MGAT5: variants seen among roughly 807,000 people sequenced by gnomAD.
MGAT5 encodes the protein alpha-1,6-mannosylglycoprotein 6-beta-N-acetylglucosaminyltransferase, also known as alpha-1,6-mannosylglycoprotein 6-beta-N-acetylglucosaminyltransferase A.
Under a neutral mutation model 94.3 loss-of-function variants are expected in MGAT5, and 30 were observed. That is an observed-to-expected ratio of 0.32 (90% CI 0.24 to 0.43). The LOEUF (loss-of-function observed/expected upper bound fraction) is 0.43. Ranked by LOEUF, MGAT5 falls within the 20% of genes least tolerant of loss-of-function variation. MGAT5 has a pLI of 1.00. For synonymous variants in MGAT5, 310 were observed against 322.9 expected, an observed-to-expected ratio of 0.96 and a Z score of 0.43; for missense variants, 691 against 905.5, an observed-to-expected ratio of 0.76 and a Z score of 3.04.
intron 10 of MGAT5, among the ~76,000 whole-genome samples, chr2:134,381,327 T>A (rs551260952): frequency 7.0e-5 from 4 of 57,006 alleles, no homozygotes; most frequent in African/African-American, 1.1e-4. Flanking sequence ...GCAAGACCTG[T>A]CTCATAGATA....
At chr2:134,433,172 A>G (rs1684983888) in intron 14 of MGAT5, among the ~76,000 whole-genome samples, 2 of 152,210 alleles carry the variant, frequency 1.3e-5, no homozygotes, top group African/African-American at 4.8e-5. Flanking sequence ...TCTGGCTTTC[A>G]CTTAGCATGA....
At chr2:134,223,617 T>G (rs969665395) in intron 1 of MGAT5, among the ~76,000 whole-genome samples, 5 of 152,168 alleles carry the variant, frequency 3.3e-5, no homozygotes, top group African/African-American at 7.2e-5. Context: ...CTCAAAAAAT[T>G]AGGGCTGAAA....
At chr2:134,435,066 G>A (rs951700888) in intron 14 of MGAT5, among the ~76,000 whole-genome samples, 1 of 151,958 alleles carries the variant, frequency 6.6e-6, no homozygotes, top group African/African-American at 2.4e-5. Context: ...GTGCTGTTGC[G>A]GCAGCTTCCT....
chr2:134,191,482 A>T (rs111767138), intron 1 of MGAT5, among the ~76,000 whole-genome samples: 51 of 148,706 alleles, frequency 3.4e-4, no homozygotes, highest in African/African-American at 1.2e-3. Context: ...CAGGTTCCAG[A>T]TGGAAGGGTG....
intron 10 of MGAT5, among the ~76,000 whole-genome samples, chr2:134,374,726 C>G (rs991102615): frequency 6.6e-6 from 1 of 152,210 alleles, no homozygotes; most frequent in African/African-American, 2.4e-5. Flanking sequence ...GGCACAGTGG[C>G]TCATGCCTGT....
intron 1 of MGAT5, among the ~76,000 whole-genome samples, chr2:134,130,217 G>A (rs1417283417): frequency 1.1e-5 from 1 of 87,130 alleles, no homozygotes; most frequent in South Asian, 4.2e-4. Context: ...GCCCCACACC[G>A]CCCCACACCG....
intron 6 of MGAT5, among the ~76,000 whole-genome samples, chr2:134,338,730 TC>T (rs1688471116): frequency 6.6e-6 from 1 of 152,164 alleles, no homozygotes; most frequent in Non-Finnish European, 1.5e-5. Flanking sequence ...AATCCAACCT[TC>T]GAGAGCTTCC....
chr2:134,177,529 G>A (rs937927516), intron 1 of MGAT5, among the ~76,000 whole-genome samples: 41 of 152,288 alleles, frequency 2.7e-4, no homozygotes, highest in Middle Eastern at 3.4e-3. Context: ...ACAAGAGTGC[G>A]GATTTCAGTG....
At chr2:134,321,905 T>C (rs1416038468) in intron 4 of MGAT5, among the ~76,000 whole-genome samples, 2 of 152,202 alleles carry the variant, frequency 1.3e-5, no homozygotes, top group African/African-American at 4.8e-5. Context: ...AATCTGAATA[T>C]AACCCTGAAC....
chr2:134,335,059 A>C lies in MGAT5; in HGVS notation c.574-1158A>C, dbSNP rs543093680. ...ATCATCTGCAGTGGCAGATGGCTTT[A>C]TGCAAATCAGGCCAATTACTTTGGT... On this transcript the variant is annotated intron_variant, in intron 4 of 15. Transcript: ENST00000281923. Among the ~76,000 whole-genome samples the C allele has an allele frequency of 2.0e-5, 3 of 152,258 alleles. No individual in the cohort carries two copies. In the East Asian group the frequency reaches 5.8e-4, roughly 29 times the overall value.
Position 134,207,677 on chromosome 2 carries a change from A to G in MGAT5, c.-142-46585A>G, listed in dbSNP as rs374806180. On this transcript the variant is annotated intron_variant, in intron 1 of 16. Coordinates refer to the MGAT5 transcript ENST00000409645. ...TTTAAGAGCTTAGTGGCAAATCCTG[A>G]CCTTGGAAAGCCCTGCCTTACCAGG... Among the ~76,000 whole-genome samples, 28 of 152,156 alleles carry G rather than the reference A, an allele frequency of 1.8e-4. 1 individual carries two copies. Among genetic ancestry groups the G allele is most frequent in the African/African-American group, 6.7e-4 (28 of 41,528 alleles).
Position 134,132,176 on chromosome 2 carries a change from C to T in MGAT5, c.-143+11885C>T, listed in dbSNP as rs554879312. ...AAATCTTTTTGTTAGTTACTTGTAA[C>T]TAATATTCTTTTAAGATTGTACTTA... is the stretch of plus-strand genomic sequence containing the variant. On this transcript the variant is annotated intron_variant, in intron 1 of 16. Transcript: ENST00000409645. Among the ~76,000 whole-genome samples the T allele has an allele frequency of 2.0e-5, 3 of 152,306 alleles. No individual in the cohort carries two copies. In the South Asian group the frequency reaches 6.2e-4, roughly 32 times the overall value.
intron 2 of MGAT5, among the ~76,000 whole-genome samples, chr2:134,312,253 C>CA (rs890368822): frequency 3.4e-4 from 52 of 151,496 alleles, no homozygotes; most frequent in African/African-American, 7.0e-4. Context: ...AACAAAACAA[C>CA]AAAAAAAAAT....
intron 1 of MGAT5, among the ~76,000 whole-genome samples, chr2:134,203,255 C>T (rs1679883187): frequency 6.6e-6 from 1 of 152,074 alleles, no homozygotes; most frequent in Admixed American, 6.6e-5. Flanking sequence ...GGTCAGAAAC[C>T]CCTGGGTGCT....
chr2:134,181,945 AGGT>A (rs1688754189), intron 1 of MGAT5, among the ~76,000 whole-genome samples: 1 of 152,234 alleles, frequency 6.6e-6, no homozygotes, highest in Non-Finnish European at 1.5e-5. Context: ...GCACAATTTA[AGGT>A]GAAGAAACAG....
chr2:134,406,152 T>C (rs1321633370), intron 11 of MGAT5, among the ~76,000 whole-genome samples: 1 of 152,228 alleles, frequency 6.6e-6, no homozygotes, highest in Non-Finnish European at 1.5e-5. Context: ...TTCATCTTCC[T>C]GGATTTAACC....
intron 4 of MGAT5, among the ~76,000 whole-genome samples, chr2:134,321,093 C>T (rs965583125): frequency 1.3e-5 from 2 of 152,152 alleles, no homozygotes; most frequent in African/African-American, 2.4e-5. Context: ...TTTCTGGCTT[C>T]CGGCTTGGGT....
intron 15 of MGAT5, among the ~76,000 whole-genome samples, chr2:134,447,880 G>C (rs923439351): frequency 6.6e-5 from 10 of 152,272 alleles, no homozygotes; most frequent in African/African-American, 2.4e-4. Context: ...GGGAGAGAGG[G>C]CCTGGATTCA....
intron 11 of MGAT5, among the ~76,000 whole-genome samples, chr2:134,410,181 G>A (rs1218379004): frequency 1.3e-5 from 2 of 152,202 alleles, no homozygotes; most frequent in Admixed American, 1.3e-4. Flanking sequence ...TGTGGTTAAG[G>A]TGCCAATGTG....
Sources: gnomAD v4.1 joint callset for allele counts (sites outside exome capture counted in the v4.1 genomes callset) on GRCh38, gnomAD v4.1.1 for gene constraint, MANE v1.5 for transcripts, NCBI Gene and HGNC (gene_info 2026-07-23, HGNC 2026-07-21) for gene names.